Variants in CENPP observed in about 807,000 individuals in gnomAD.
The protein encoded by CENPP is centromere protein P.
A neutral mutation model predicts 35.6 loss-of-function variants in CENPP; 24 were observed. That is an observed-to-expected ratio of 0.67 (90% confidence interval 0.49 to 0.95). The LOEUF (loss-of-function observed/expected upper bound fraction) is 0.95. CENPP is among the 40% of genes least tolerant of loss of function. CENPP has a pLI of 0.00. For missense variants in CENPP, 332 were observed against 345.3 expected (o/e 0.96, Z 0.31); for synonymous variants, 120 against 125.5 (o/e 0.96, Z 0.29).
chr9:92,493,944 G>A (rs1564351597), intron 5 of CENPP: 3 of 660,110 alleles, frequency 4.5e-6, no homozygotes, highest in Non-Finnish European at 7.5e-6. Context: ...TGGATCTGCT[G>A]TTAATCCAGG....
chr9:92,359,808 G>C (rs1324931364), intron 4 of CENPP, among the ~76,000 whole-genome samples: 1 of 147,246 alleles, frequency 6.8e-6, no homozygotes, highest in African/African-American at 2.5e-5. Flanking sequence ...TTTTTTGCTT[G>C]CTCTGGCTTC....
At chr9:92,386,973 A>G (rs1324062160) in intron 5 of CENPP, among the ~76,000 whole-genome samples, 2 of 149,562 alleles carry the variant, frequency 1.3e-5, no homozygotes, top group East Asian at 4.0e-4. Context: ...CTGTGAACCC[A>G]GGAGGCAGAG....
rs765605150 is a variant in CENPP at position 92,619,149 on chromosome 9, C to T, written c.*6000C>T. ...GGAACAAGGGCCACAGGTACCCACACATCTCAGGGGCTGGCTTTCTTTGAG... is the reference window on the plus strand; with the variant it reads ...GGAACAAGGGCCACAGGTACCCACATATCTCAGGGGCTGGCTTTCTTTGAG... On this transcript the variant is annotated 3_prime_UTR_variant, in exon 8 of 8. Coordinates refer to ENST00000375587, the MANE Select transcript of CENPP (RefSeq NM_001012267.3). The T allele has an allele frequency of 1.1e-5, 3 of 268,860 alleles. No individual in the cohort carries two copies. The highest frequency in any genetic ancestry group is 1.3e-3 in the Middle Eastern group (1 of 748). 16.7% of individuals were successfully genotyped at this position (268,860 alleles called of 1,614,324 possible). A position where few individuals can be genotyped will look rare whatever the true frequency, so the allele number is the denominator to read the frequency against.
intron 5 of CENPP, among the ~76,000 whole-genome samples, chr9:92,434,756 T>C (rs576046510): frequency 3.9e-5 from 6 of 152,156 alleles, no homozygotes; most frequent in Admixed American, 3.3e-4. Context: ...TTAAAAAGTT[T>C]TCTGGGCAAG....
Position 92,502,056 on chromosome 9 carries a change from A to G in CENPP, c.565-109258A>G, listed in dbSNP as rs532939313. ...CTGGGCTCTGGAGCCTGGTGCTTCC[A>G]CCTAATGATGATGAGGAGAAGGAGT... On this transcript the variant is annotated intron_variant, in intron 5 of 7. Coordinates refer to ENST00000375587, the MANE Select transcript of CENPP (RefSeq NM_001012267.3). Among the ~76,000 whole-genome samples the G allele has an allele frequency of 4.9e-4, 75 of 152,290 alleles. 1 individual carries two copies. The South Asian group carries it at 0.015, about 31-fold the overall frequency.
intron 5 of CENPP, among the ~76,000 whole-genome samples, chr9:92,382,644 C>A (rs575087909): frequency 1.3e-5 from 2 of 152,078 alleles, no homozygotes; most frequent in Non-Finnish European, 2.9e-5. Flanking sequence ...TATAATTTAA[C>A]CCTTAAGTTT....
At chr9:92,563,489 A>G (rs1413583740) in intron 5 of CENPP, among the ~76,000 whole-genome samples, 1 of 152,242 alleles carries the variant, frequency 6.6e-6, no homozygotes, top group East Asian at 1.9e-4. Flanking sequence ...GTCTATACGA[A>G]GGGATCAAAT....
chr9:92,366,518 C>T (rs915345317), intron 4 of CENPP, among the ~76,000 whole-genome samples: 7 of 151,978 alleles, frequency 4.6e-5, no homozygotes, highest in Non-Finnish European at 8.8e-5. Flanking sequence ...GTATATGTGC[C>T]CACCACTATT....
intron 5 of CENPP, among the ~76,000 whole-genome samples, chr9:92,381,558 C>A (rs371857183): frequency 6.6e-6 from 1 of 152,154 alleles, no homozygotes; most frequent in Non-Finnish European, 1.5e-5. Context: ...CCAGTGCCCT[C>A]CCCCTGCCTT....
Position 92,389,884 on chromosome 9 carries a change from C to T in CENPP, c.564+10025C>T, listed in dbSNP as rs756223711. On this transcript the variant is annotated intron_variant, in intron 5 of 7. Transcript: ENST00000375587. Reference sequence around the variant, plus strand: ...ATGCATTTGCTTTGATTCCCCTACTCTTGATTTTGTTGTATTTTGCATTAA... The same window carrying T: ...ATGCATTTGCTTTGATTCCCCTACTTTTGATTTTGTTGTATTTTGCATTAA... 1 of 1,612,522 alleles carries T rather than the reference C, an allele frequency of 6.2e-7. No homozygotes were observed. Among genetic ancestry groups the T allele is most frequent in the East Asian group, 2.2e-5 (1 of 44,760 alleles).
At position 92,520,784 on chromosome 9, in the gene CENPP, A is replaced by T. The variant is rs528160382; in HGVS notation, c.565-90530A>T. On this transcript the variant is annotated intron_variant, in intron 5 of 7. Transcript: ENST00000375587. ...AATGGAATATTATTCAGCCATAAAAAGGAATGAAGTTCTGATACAGGCTAA... is the reference window on the plus strand; with the variant it reads ...AATGGAATATTATTCAGCCATAAAATGGAATGAAGTTCTGATACAGGCTAA... Among the ~76,000 whole-genome samples the T allele has an allele frequency of 7.9e-5, 12 of 152,378 alleles. No individual in the cohort carries two copies. In the South Asian group the frequency reaches 2.3e-3, roughly 29 times the overall value.
chr9:92,403,413 CA>C (rs751283917), intron 5 of CENPP: 4 of 1,589,142 alleles, frequency 2.5e-6, no homozygotes, highest in Non-Finnish European at 3.4e-6. Context: ...TTCATTTTAG[CA>C]AAAATCAAGG....
chr9:92,568,943 G>C (rs1314769592), intron 5 of CENPP, among the ~76,000 whole-genome samples: 1 of 151,990 alleles, frequency 6.6e-6, no homozygotes, highest in East Asian at 1.9e-4. Context: ...TTTTTTTCTT[G>C]TAAATTTGTT....
intron 5 of CENPP, chr9:92,514,854 C>CTCCTCCTCA (rs752754174): frequency 5.0e-6 from 8 of 1,612,534 alleles, no homozygotes; most frequent in South Asian, 1.1e-5. Flanking sequence ...CCTCACCCTC[C>CTCCTCCTCA]TCCTCCTCAT....
At chr9:92,402,049 A>G (rs556527569) in intron 5 of CENPP, among the ~76,000 whole-genome samples, 34 of 152,178 alleles carry the variant, frequency 2.2e-4, no homozygotes, top group Non-Finnish European at 4.3e-4. Context: ...CTGCATTTAT[A>G]TTAAGATAGA....
At position 92,488,882 on chromosome 9, in the gene CENPP, T is replaced by C. The variant is rs142345127; in HGVS notation, c.564+109023T>C. On this transcript the variant is annotated intron_variant, in intron 5 of 7. Transcript: ENST00000375587. The stretch of plus-strand genomic sequence containing the variant: ...TGTATTTAGTGTAATCACATGTTAT[T>C]TTTAATACAGTCCTGCTTTCCCTTG... 2.8e-4 allele frequency among the ~76,000 whole-genome samples: 43 copies of C among 152,350 alleles called. No individual in the cohort carries two copies. The East Asian group carries it at 7.5e-3, about 27-fold the overall frequency.
chr9:92,615,654 T>C lies in CENPP; in HGVS notation c.*2505T>C. The C allele has an allele frequency of 1.7e-6, 1 of 581,800 alleles. No individual in the cohort carries two copies. Among genetic ancestry groups the C allele is most frequent in the South Asian group, 2.0e-5 (1 of 49,880 alleles). The allele number at this position is 581,800 out of a possible 1,614,324, so 36.0% of individuals were successfully genotyped here. A position where few individuals can be genotyped will look rare whatever the true frequency, so the allele number is the denominator to read the frequency against. On this transcript the variant is annotated 3_prime_UTR_variant, in exon 8 of 8. Transcript: ENST00000375587. ...CACAGCACTCACTTCCTACATTCCT[T>C]GTCCAGGAAGTTGTTTCTAGTGCTC...
chr9:92,612,898 C>T lies in CENPP; in HGVS notation c.737-121C>T, dbSNP rs983541696. 8 of 1,179,538 alleles carry T rather than the reference C, an allele frequency of 6.8e-6. No individual in the cohort carries two copies. The African/African-American group carries it at 7.6e-5, about 11-fold the overall frequency. The allele number at this position is 1,179,538 out of a possible 1,614,324, so 73.1% of individuals were successfully genotyped here. A position where few individuals can be genotyped will look rare whatever the true frequency, so the allele number is the denominator to read the frequency against. ...TCTCCTCGCCCGCCACTAGCATGTC[C>T]CATCCCATGCAGCTAGTCGGGAGGA... On this transcript the variant is annotated intron_variant, in intron 7 of 7. Coordinates refer to ENST00000375587, the MANE Select transcript of CENPP (RefSeq NM_001012267.3).
chr9:92,576,539 C>A (rs988242116), intron 5 of CENPP, among the ~76,000 whole-genome samples: 15 of 152,068 alleles, frequency 9.9e-5, no homozygotes, highest in Admixed American at 9.8e-4. Context: ...TTTTAAAAAT[C>A]ATAATGCATT....
Sources: allele counts gnomAD v4.1 joint callset (sites outside exome capture counted in the v4.1 genomes callset), GRCh38; gene constraint gnomAD v4.1.1; transcripts MANE v1.5; gene names NCBI Gene and HGNC (gene_info 2026-07-23, HGNC 2026-07-21).